Variants in KL observed in about 807,000 individuals in gnomAD.
The protein encoded by KL is klotho, also known as alpha-klotho.
In KL, 62 loss-of-function variants were observed where a neutral mutation model predicts 84.2. The observed-to-expected ratio is 0.74, with a 90% CI of 0.60 to 0.91. The LOEUF (loss-of-function observed/expected upper bound fraction) is 0.91, where lower values mean the gene tolerates loss of function less well. Ranked by LOEUF, KL falls within the 40% of genes least tolerant of loss-of-function variation. The probability of loss-of-function intolerance (pLI) is 0.00; values close to 1 mark genes in which losing one functional copy is unlikely to be tolerated. For synonymous variants in KL, 528 were observed against 528.0 expected, an observed-to-expected ratio of 1.00 and a Z score of 0.00; for missense variants, 1,261 against 1,305.7, an observed-to-expected ratio of 0.97 and a Z score of 0.53.
intron 1 of KL, among the ~76,000 whole-genome samples, chr13:33,025,484 T>C (rs577238623): frequency 6.6e-6 from 1 of 152,288 alleles, no homozygotes; most frequent in South Asian, 2.1e-4. Flanking sequence ...GAGAAGGGCA[T>C]TGTGCCTTTC....
At chr13:33,037,085 T>C (rs914774016) in intron 1 of KL, among the ~76,000 whole-genome samples, 3 of 152,212 alleles carry the variant, frequency 2.0e-5, no homozygotes, top group African/African-American at 7.2e-5. Context: ...GAAAAGGTCT[T>C]AATATAGGAA....
chr13:33,029,896 G>A (rs1420946201), intron 1 of KL, among the ~76,000 whole-genome samples: 1 of 150,936 alleles, frequency 6.6e-6, no homozygotes, highest in Non-Finnish European at 1.5e-5. Flanking sequence ...GCCTCCCAAA[G>A]TGCTGGGATT....
intron 3 of KL, among the ~76,000 whole-genome samples, chr13:33,057,572 T>C (rs924977449): frequency 1.3e-5 from 2 of 152,136 alleles, no homozygotes; most frequent in Non-Finnish European, 1.5e-5. Context: ...ACGGTCCTTT[T>C]TTCCTCATCA....
At chr13:33,037,316 A>G (rs1447663623) in intron 1 of KL, among the ~76,000 whole-genome samples, 6 of 152,004 alleles carry the variant, frequency 3.9e-5, no homozygotes, top group African/African-American at 1.4e-4. Context: ...CATCTACAAA[A>G]CCGTCACTTT....
At chr13:33,030,785 C>T (rs1239068084) in intron 1 of KL, among the ~76,000 whole-genome samples, 1 of 152,108 alleles carries the variant, frequency 6.6e-6, no homozygotes, top group Non-Finnish European at 1.5e-5. Context: ...TAAACACATA[C>T]ACAAACTGAA....
chr13:33,035,763 G>T (rs1871129460), intron 1 of KL, among the ~76,000 whole-genome samples: 3 of 152,284 alleles, frequency 2.0e-5, no homozygotes, highest in African/African-American at 7.2e-5. Flanking sequence ...TGGATATTTT[G>T]TTAACAACCT....
intron 2 of KL, 80 bp from the exon 3 acceptor site, chr13:33,054,967 A>T: frequency 6.4e-7 from 1 of 1,570,272 alleles, no homozygotes. Flanking sequence ...TTTAAGTAGG[A>T]AACGCTCAGC....
At chr13:33,062,121 G>C (rs1434949231) in intron 4 of KL, among the ~76,000 whole-genome samples, 1 of 152,158 alleles carries the variant, frequency 6.6e-6, no homozygotes, top group South Asian at 2.1e-4. Flanking sequence ...GCTCACACCT[G>C]TAATCCCAGC....
chr13:33,040,721 G>A (rs1166150774), intron 1 of KL, among the ~76,000 whole-genome samples: 1 of 152,098 alleles, frequency 6.6e-6, no homozygotes, highest in East Asian at 1.9e-4. Flanking sequence ...AAACATATTT[G>A]GGTGATTGGT....
In KL at chr13:33,065,422, A is replaced by G. The variant is rs145694155; in HGVS notation, c.*1236A>G. 2.1e-3 allele frequency: 410 copies of G among 197,832 alleles called. 4 individuals carry two copies. Among genetic ancestry groups the G allele is most frequent in the African/African-American group, 7.9e-3 (342 of 43,492 alleles). The allele number at this position is 197,832 out of a possible 1,614,324, so 12.3% of individuals were successfully genotyped here. On this transcript the variant is annotated 3_prime_UTR_variant, in exon 5 of 5. Transcript: ENST00000380099. ...AATGCCCCTTAAATAAGTCTTGCTG[A>G]TTTTCAGACAGGGAAGTCTCTCTAT...
intron 1 of KL, among the ~76,000 whole-genome samples, chr13:33,019,946 C>A (rs1424011356): frequency 6.6e-6 from 1 of 152,064 alleles, no homozygotes; most frequent in Non-Finnish European, 1.5e-5. Flanking sequence ...CTTAATGTCC[C>A]CTGAAATCAG....
At chr13:33,021,762 T>C (rs772121943) in intron 1 of KL, among the ~76,000 whole-genome samples, 27 of 152,176 alleles carry the variant, frequency 1.8e-4, no homozygotes, top group Non-Finnish European at 2.9e-4. Context: ...CAGGTGCCTG[T>C]AATCCCAGCT....
At chr13:33,061,930 T>G in intron 4 of KL, 150 bp downstream of exon 4, 1 of 796,706 alleles carries the variant, frequency 1.3e-6, no homozygotes, top group Non-Finnish European at 2.1e-6. Flanking sequence ...AAGAGATATC[T>G]AGCATTTCCC....
Position 33,065,238 on chromosome 13 carries a change from G to T in KL, c.*1052G>T, listed in dbSNP as rs1202740522. 1 of 216,632 alleles carries T rather than the reference G, an allele frequency of 4.6e-6. No homozygotes were observed. The highest frequency in any genetic ancestry group is 9.3e-6 in the Non-Finnish European group (1 of 107,620). The allele number at this position is 216,632 out of a possible 1,614,324, so 13.4% of individuals were successfully genotyped here. On this transcript the variant is annotated 3_prime_UTR_variant, in exon 5 of 5. Coordinates refer to ENST00000380099, the MANE Select transcript of KL (RefSeq NM_004795.4). ...TTCTTAATAGGTTCAAAAGCAATCT[G>T]GTCTGAATAACACTGGATTTGTTTC...
chr13:33,025,468 C>A (rs982707980), intron 1 of KL, among the ~76,000 whole-genome samples: 2 of 152,136 alleles, frequency 1.3e-5, no homozygotes, highest in East Asian at 1.9e-4. Context: ...GCTGGGCACA[C>A]AAAGTGAGAA....
intron 1 of KL, among the ~76,000 whole-genome samples, chr13:33,021,856 C>A (rs760947798): frequency 2.6e-5 from 4 of 152,172 alleles, no homozygotes; most frequent in Non-Finnish European, 5.9e-5. Context: ...TGCACTCCAT[C>A]CTGAGCAACA....
At chr13:33,029,371 T>C (rs9596665) in intron 1 of KL, among the ~76,000 whole-genome samples, 2,155 of 152,354 alleles carry the variant, frequency 0.014, 45 homozygotes, top group African/African-American at 0.043. Flanking sequence ...GTTTCAAACA[T>C]TGACCAGCAT....
In KL at chr13:33,061,089, C is replaced by T. The variant is rs767128480; in HGVS notation, c.2010C>T (p.Ala670=). 6 of 1,613,598 alleles carry T rather than the reference C, an allele frequency of 3.7e-6. No individual in the cohort carries two copies. Among genetic ancestry groups the T allele is most frequent in the Non-Finnish European group, 5.1e-6 (6 of 1,179,712 alleles). ...PYTALAFAEY[A]RLCFQELGHH... ...CTGCCCTGGCCTTTGCAGAGTATGCCCGACTGTGCTTTCAAGAGCTCGGCC... is the reference window on the plus strand; with the variant it reads ...CTGCCCTGGCCTTTGCAGAGTATGCTCGACTGTGCTTTCAAGAGCTCGGCC... The change falls in exon 4 of 5, where the codon GCC becomes GCT. Residue 670 remains alanine, a synonymous_variant. Transcript: ENST00000380099.
intron 1 of KL, among the ~76,000 whole-genome samples, chr13:33,042,021 A>G (rs964408180): frequency 1.3e-5 from 2 of 152,186 alleles, no homozygotes; most frequent in Non-Finnish European, 2.9e-5. Context: ...GCCTAGTGTA[A>G]TATTTGTTGA....
Sources: gnomAD v4.1 joint callset for allele counts (sites outside exome capture counted in the v4.1 genomes callset) on GRCh38, gnomAD v4.1.1 for gene constraint, MANE v1.5 for transcripts, NCBI Gene and HGNC (gene_info 2026-07-23, HGNC 2026-07-21) for gene names.